APBB2: variants seen among roughly 807,000 people sequenced by gnomAD.
APBB2 encodes Fe65-like 1.
In APBB2, 38 loss-of-function variants were observed where a neutral mutation model predicts 82.5. That is an observed-to-expected ratio of 0.46 (90% CI 0.36 to 0.60). APBB2 has a LOEUF of 0.60. APBB2 is among the 20% of genes least tolerant of loss of function. The probability of loss-of-function intolerance (pLI) is 0.00; values close to 1 mark genes in which losing one functional copy is unlikely to be tolerated. For synonymous variants in APBB2, 341 were observed against 368.2 expected (o/e 0.93, Z 0.85); for missense variants, 772 against 972.3 (o/e 0.79, Z 2.74).
At chr4:41,068,916 C>T (rs1732890357) in intron 3 of APBB2, among the ~76,000 whole-genome samples, 1 of 150,832 alleles carries the variant, frequency 6.6e-6, no homozygotes, top group Non-Finnish European at 1.5e-5. Context: ...CTGCCTCAGT[C>T]TCCTGAGTAG....
intron 1 of APBB2, among the ~76,000 whole-genome samples, chr4:41,154,778 C>T (rs1013798843): frequency 2.0e-5 from 3 of 152,114 alleles, no homozygotes. Context: ...TAAAAATTAC[C>T]TTGTGTTTTA....
At position 40,857,004 on chromosome 4, in the gene APBB2, G is replaced by A. The variant is rs10016204; in HGVS notation, c.1530-26427C>T. On this transcript the variant is annotated intron_variant, in intron 12 of 17. Transcript: ENST00000508593. ...ACGCACCTGCAAACAAAGGAGAGCC[G>A]TTCCTTCGCCAACTTCCTCACCTTT... 56 of 985,580 alleles carry A rather than the reference G, an allele frequency of 5.7e-5. No individual in the cohort carries two copies. The African/African-American group carries it at 9.4e-4, about 17-fold the overall frequency. 61.1% of individuals were successfully genotyped at this position (985,580 alleles called of 1,614,324 possible).
At chr4:41,181,812 G>A (rs1403183356) in intron 1 of APBB2, among the ~76,000 whole-genome samples, 1 of 151,992 alleles carries the variant, frequency 6.6e-6, no homozygotes, top group Non-Finnish European at 1.5e-5. Context: ...CGGCATGGTG[G>A]CAACATGCCT....
chr4:40,874,317 T>C (rs1766291032), intron 12 of APBB2, among the ~76,000 whole-genome samples: 5 of 152,210 alleles, frequency 3.3e-5, no homozygotes. Flanking sequence ...GATACTGAAA[T>C]CTAAAAGAAA....
chr4:40,862,229 T>C (rs922674981), intron 12 of APBB2, among the ~76,000 whole-genome samples: 3 of 152,246 alleles, frequency 2.0e-5, no homozygotes, highest in African/African-American at 4.8e-5. Flanking sequence ...GTTAGGACAA[T>C]GTTCACGCTA....
At chr4:40,904,896 G>A (rs561136721) in intron 10 of APBB2, among the ~76,000 whole-genome samples, 9 of 152,026 alleles carry the variant, frequency 5.9e-5, no homozygotes, top group Non-Finnish European at 1.0e-4. Context: ...TGGTCCCCAT[G>A]AGCGCTCCAG....
intron 2 of APBB2, among the ~76,000 whole-genome samples, chr4:41,111,646 C>T (rs1380784292): frequency 2.0e-5 from 3 of 151,982 alleles, no homozygotes; most frequent in Non-Finnish European, 4.4e-5. Context: ...ATTTTAAATG[C>T]TCTCTCTATA....
At chr4:40,945,165 C>T (rs983193608) in intron 6 of APBB2, 92 bp from the exon 7 acceptor site, 42 of 899,570 alleles carry the variant, frequency 4.7e-5, no homozygotes, top group African/African-American at 3.3e-5. Context: ...CAAAGGCAGA[C>T]GTGTCCATAG....
rs528200967 is a variant in APBB2 at position 40,918,701 on chromosome 4, A to ACTTC, written c.1254+15751_1254+15754dup. Among the ~76,000 whole-genome samples the ACTTC allele has an allele frequency of 3.4e-3, 486 of 142,312 alleles. 1 individual carries two copies. Among genetic ancestry groups the ACTTC allele is most frequent in the Middle Eastern group, 0.018 (5 of 274 alleles). 93.4% of individuals were successfully genotyped at this position (142,312 alleles called of 152,430 possible). A position where few individuals can be genotyped will look rare whatever the true frequency, so the allele number is the denominator to read the frequency against. Reference sequence around the variant, plus strand: ...CTTCCTTCCTTCCTTCTTTCGGACGACTTCCTTCCTTCCTTCCTTCCTCCC... The same window carrying ACTTC: ...CTTCCTTCCTTCCTTCTTTCGGACGACTTCCTTCCTTCCTTCCTTCCTTCCTCCC... On this transcript the variant is annotated intron_variant, in intron 10 of 17. Coordinates refer to ENST00000508593, the MANE Select transcript of APBB2 (RefSeq NM_004307.2).
intron 1 of APBB2, among the ~76,000 whole-genome samples, chr4:41,197,814 A>G: frequency 1.3e-5 from 2 of 152,214 alleles, no homozygotes; most frequent in South Asian, 2.1e-4. Context: ...ATGTAGACGA[A>G]TAAGTCTCCC....
At chr4:40,974,092 T>A (rs1796593850) in intron 6 of APBB2, among the ~76,000 whole-genome samples, 1 of 152,062 alleles carries the variant, frequency 6.6e-6, no homozygotes, top group Admixed American at 6.6e-5. Context: ...GACCTTGTGA[T>A]CCACCCACCT....
At chr4:41,070,359 G>A (rs993953671) in intron 3 of APBB2, among the ~76,000 whole-genome samples, 1 of 151,994 alleles carries the variant, frequency 6.6e-6, no homozygotes, top group East Asian at 1.9e-4. Flanking sequence ...GCCCAGACTG[G>A]AGTGCGGTGG....
intron 6 of APBB2, among the ~76,000 whole-genome samples, chr4:40,982,305 GGAAAGAAAGAAAGAAAGAAAAGAAA>G (rs1560446949): frequency 3.4e-4 from 5 of 14,848 alleles, no homozygotes; most frequent in Non-Finnish European, 4.8e-4. Flanking sequence ...AAGGAAGGAA[GGAAAGAAAGAAAGAAAGAAAAGAAA>G]GAAGGAAGGA....
intron 6 of APBB2, chr4:40,990,050 C>T (rs1464958124): frequency 6.6e-6 from 1 of 152,216 alleles, no homozygotes; most frequent in African/African-American, 2.4e-5. Flanking sequence ...GGGAGTGATA[C>T]AATGTGGAAA....
chr4:41,095,493 T>C (rs1391491359), intron 3 of APBB2, among the ~76,000 whole-genome samples: 1 of 152,198 alleles, frequency 6.6e-6, no homozygotes, highest in African/African-American at 2.4e-5. Context: ...ATACAGCCAA[T>C]AGCTTAGTAT....
chr4:40,906,464 C>CAA (rs5857755), intron 10 of APBB2, among the ~76,000 whole-genome samples: 320 of 67,712 alleles, frequency 4.7e-3, no homozygotes, highest in African/African-American at 9.5e-3. Flanking sequence ...AAACCTGTCT[C>CAA]AAAAAAAAAA....
intron 2 of APBB2, among the ~76,000 whole-genome samples, chr4:41,124,034 C>T (rs1753668304): frequency 6.6e-6 from 1 of 152,086 alleles, no homozygotes; most frequent in African/African-American, 2.4e-5. Flanking sequence ...GCTGTGCTGC[C>T]TCAGCAGGAA....
chr4:41,089,685 A>G (rs1359764093), intron 3 of APBB2, among the ~76,000 whole-genome samples: 1 of 152,232 alleles, frequency 6.6e-6, no homozygotes, highest in East Asian at 1.9e-4. Flanking sequence ...TAGCCAGTGG[A>G]AGAGTCAAAA....
chr4:41,206,380 T>C (rs1777933651), intron 1 of APBB2, among the ~76,000 whole-genome samples: 1 of 152,204 alleles, frequency 6.6e-6, no homozygotes, highest in Non-Finnish European at 1.5e-5. Flanking sequence ...GGTACATTCC[T>C]CTCTGTCCTC....
Sources: allele counts gnomAD v4.1 joint callset (sites outside exome capture counted in the v4.1 genomes callset), GRCh38; gene constraint gnomAD v4.1.1; transcripts MANE v1.5; gene names NCBI Gene and HGNC (gene_info 2026-07-23, HGNC 2026-07-21).